The following SMAD4 variants were observed in gnomAD, a reference collection of about 807,000 sequenced individuals.
SMAD4 encodes SMAD family member 4, also known as MAD homolog 4.
SMAD4 carries 7 observed loss-of-function variants against 63.2 expected under a neutral mutation model. That is an observed-to-expected ratio of 0.11 (90% CI 0.06 to 0.21). The LOEUF (loss-of-function observed/expected upper bound fraction) is 0.21. Among genes scored for constraint, SMAD4 ranks in the 10% least tolerant of loss-of-function variants. The pLI is 1.00. For synonymous variants in SMAD4, 215 were observed against 235.4 expected, an observed-to-expected ratio of 0.91 and a Z score of 0.79; for missense variants, 312 against 693.8, an observed-to-expected ratio of 0.45 and a Z score of 6.18.
intron 1 of SMAD4, among the ~76,000 whole-genome samples, chr18:51,039,056 G>C (rs1403196861): frequency 6.6e-6 from 1 of 152,186 alleles, no homozygotes; most frequent in Non-Finnish European, 1.5e-5. Flanking sequence ...GCAGAGAGCT[G>C]AGAACATGCC....
rs990153326 is a variant in SMAD4 at position 51,083,986 on chromosome 18, C to G, written c.*5519C>G. The G allele has an allele frequency of 2.9e-4, 66 of 225,872 alleles. No homozygotes were observed. Among genetic ancestry groups the G allele is most frequent in the African/African-American group, 1.4e-3 (60 of 43,222 alleles). 14.0% of individuals were successfully genotyped at this position (225,872 alleles called of 1,614,324 possible). On this transcript the variant is annotated 3_prime_UTR_variant, in exon 12 of 12. Transcript: ENST00000342988. ...ACCACCTTAGGGGCTGCAATAAACA[C>G]TTAACGCGCGTGCGCACGCGCGCGC...
intron 1 of SMAD4, among the ~76,000 whole-genome samples, chr18:51,030,985 G>A (rs769006716): frequency 2.0e-5 from 3 of 152,180 alleles, no homozygotes; most frequent in Non-Finnish European, 4.4e-5. Context: ...TTGCCTTAGG[G>A]TCTAAGTGAA....
chr18:51,062,609 C>T (rs1461437826), intron 8 of SMAD4, among the ~76,000 whole-genome samples: 1 of 151,814 alleles, frequency 6.6e-6, no homozygotes, highest in Non-Finnish European at 1.5e-5. Flanking sequence ...AGCCATTCTC[C>T]TGCCTCAGCC....
Position 51,030,478 on chromosome 18 carries a change from G to A in SMAD4, c.-273G>A, listed in dbSNP as rs1909005536. ...GTCCGGCCCGCGCGGGCAGCGGCGC[G>A]GCGCTGAGGAGGGGCGGCCTGGCCG... On this transcript the variant is annotated 5_prime_UTR_variant, in exon 1 of 12. Transcript: ENST00000342988. 1 of 150,302 alleles carries A rather than the reference G, an allele frequency of 6.7e-6. No homozygotes were observed. Among genetic ancestry groups the A allele is most frequent in the Non-Finnish European group, 1.5e-5 (1 of 67,398 alleles). 9.3% of individuals were successfully genotyped at this position (150,302 alleles called of 1,614,324 possible). A position where few individuals can be genotyped will look rare whatever the true frequency, so the allele number is the denominator to read the frequency against.
At chr18:51,036,296 A>G (rs1474279035) in intron 1 of SMAD4, among the ~76,000 whole-genome samples, 1 of 152,196 alleles carries the variant, frequency 6.6e-6, no homozygotes, top group Non-Finnish European at 1.5e-5. Context: ...GGATGAATGT[A>G]TGCTACTCAG....
At chr18:51,074,659 A>G (rs1568210750) in intron 10 of SMAD4, among the ~76,000 whole-genome samples, 1 of 152,210 alleles carries the variant, frequency 6.6e-6, no homozygotes, top group Admixed American at 6.5e-5. Flanking sequence ...CTGCTCTAAA[A>G]AAGTAAAGTT....
chr18:51,046,805 A>G (rs2144399202), intron 1 of SMAD4, 115 bp from the exon 2 acceptor site: 1 of 433,588 alleles, frequency 2.3e-6, no homozygotes, highest in East Asian at 3.3e-5. Flanking sequence ...ATCAAATTTT[A>G]ATTATGTGCA....
rs12456284 is a variant in SMAD4 at position 51,083,598 on chromosome 18, A to G, written c.*5131A>G. The G allele has an allele frequency of 0.22, 50,907 of 227,582 alleles. 6,909 individuals are homozygous for G. Among genetic ancestry groups the G allele is most frequent in the East Asian group, 0.41 (6,508 of 15,902 alleles). 14.1% of individuals were successfully genotyped at this position (227,582 alleles called of 1,614,324 possible). A position where few individuals can be genotyped will look rare whatever the true frequency, so the allele number is the denominator to read the frequency against. On this transcript the variant is annotated 3_prime_UTR_variant, in exon 12 of 12. Coordinates refer to ENST00000342988, the MANE Select transcript of SMAD4 (RefSeq NM_005359.6). Reference sequence around the variant, plus strand: ...AGGTCCAGAGCCAGTGTTCTTGTTCAACCTGAAAGTAATGGCTCTGGGTTG... The same window carrying G: ...AGGTCCAGAGCCAGTGTTCTTGTTCGACCTGAAAGTAATGGCTCTGGGTTG...
intron 1 of SMAD4, among the ~76,000 whole-genome samples, chr18:51,040,588 T>C (rs1278684768): frequency 6.6e-6 from 1 of 152,182 alleles, no homozygotes; most frequent in Non-Finnish European, 1.5e-5. Flanking sequence ...CAACACTCCT[T>C]ACCTAAAATA....
intron 4 of SMAD4, among the ~76,000 whole-genome samples, chr18:51,051,900 G>A (rs542547367): frequency 3.9e-5 from 6 of 151,992 alleles, no homozygotes; most frequent in African/African-American, 1.4e-4. Flanking sequence ...TCCGCCTCCC[G>A]AGTTCAAGCG....
At chr18:51,046,316 C>G (rs189960053) in intron 1 of SMAD4, among the ~76,000 whole-genome samples, 5 of 152,234 alleles carry the variant, frequency 3.3e-5, no homozygotes, top group Admixed American at 2.6e-4. Context: ...GAAGTAGCAG[C>G]TCATTGTGGT....
At chr18:51,042,005 A>G (rs1909399407) in intron 1 of SMAD4, among the ~76,000 whole-genome samples, 1 of 152,122 alleles carries the variant, frequency 6.6e-6, no homozygotes, top group African/African-American at 2.4e-5. Context: ...TTATGTAATA[A>G]TATGTTTGGG....
chr18:51,076,736 C>A lies in SMAD4; in HGVS notation c.1407C>A (p.Ile469=), dbSNP rs2144474385. The A allele has an allele frequency of 1.2e-6, 2 of 1,613,358 alleles. No homozygotes were observed. The highest frequency in any genetic ancestry group is 1.7e-6 in the Non-Finnish European group (2 of 1,179,310). The part of the protein sequence containing the change: ...AAQAAAVAGN[I]PGPGSVGGIA... ...AGGCAGCAGCCGTGGCAGGAAACATCCCTGGCCCAGGATCAGTAGGTGGAA... is the reference window on the plus strand; with the variant it reads ...AGGCAGCAGCCGTGGCAGGAAACATACCTGGCCCAGGATCAGTAGGTGGAA... Residue 469 remains isoleucine, a synonymous_variant, in exon 11 of 12, where the codon ATC becomes ATA. Coordinates refer to ENST00000342988, the MANE Select transcript of SMAD4 (RefSeq NM_005359.6).
intron 1 of SMAD4, among the ~76,000 whole-genome samples, chr18:51,031,174 C>T (rs561710818): frequency 2.0e-5 from 3 of 152,264 alleles, no homozygotes; most frequent in Admixed American, 2.0e-4. Context: ...CCTAACTGAA[C>T]CCCTCCTTGC....
chr18:51,073,416 CACACACACACA>C, intron 10 of SMAD4, among the ~76,000 whole-genome samples: 2 of 143,390 alleles, frequency 1.4e-5, no homozygotes, highest in Admixed American at 1.4e-4. Flanking sequence ...CACACACACA[CACACACACACA>C]CACACACCAT....
At chr18:51,051,049 G>A (rs1006800558) in intron 4 of SMAD4, 2 of 158,386 alleles carry the variant, frequency 1.3e-5, no homozygotes, top group Non-Finnish European at 2.8e-5. Flanking sequence ...AAGTAAACAC[G>A]TTTCATATCT....
chr18:51,082,808 GTGC>G lies in SMAD4; in HGVS notation c.*4342_*4344del. On this transcript the variant is annotated 3_prime_UTR_variant, in exon 12 of 12. Transcript: ENST00000342988. ...TTACCATTCATATGTGAGTGTTAGT[GTGC>G]CTCCTTTTAGCATTTTCTTCTTCTC... is the stretch of plus-strand genomic sequence containing the variant. The G allele has an allele frequency of 4.4e-6, 1 of 228,492 alleles. No individual in the cohort carries two copies. Among genetic ancestry groups the G allele is most frequent in the East Asian group, 6.2e-5 (1 of 16,084 alleles). 14.2% of individuals were successfully genotyped at this position (228,492 alleles called of 1,614,324 possible).
chr18:51,069,682 T>C (rs1354343264), intron 10 of SMAD4, among the ~76,000 whole-genome samples: 1 of 152,214 alleles, frequency 6.6e-6, no homozygotes, highest in East Asian at 1.9e-4. Flanking sequence ...TGGGGCCTAA[T>C]TCCTGATTGC....
rs564408927 is a variant in SMAD4 at position 51,065,513 on chromosome 18, C to T, written c.1046C>T (p.Thr349Ile). The change falls in exon 9 of 12, where the codon ACT becomes ATT. Residue 349 changes from threonine to isoleucine, a missense_variant. Physicochemically the swap from Thr to Ile is moderately conservative, Grantham distance 89. Transcript: ENST00000342988. ...FKVPSSCPIV[T>I]VDGYVDPSGG... The stretch of plus-strand genomic sequence containing the variant: ...GTTCCTTCAAGCTGCCCTATTGTTA[C>T]TGTTGATGGATACGTGGACCCTTCT... The T allele has an allele frequency of 1.7e-5, 27 of 1,613,934 alleles. No homozygotes were observed. The highest frequency in any genetic ancestry group is 2.3e-5 in the Non-Finnish European group (27 of 1,179,918).
Sources: gnomAD v4.1 joint callset for allele counts (sites outside exome capture counted in the v4.1 genomes callset) on GRCh38, gnomAD v4.1.1 for gene constraint, MANE v1.5 for transcripts, NCBI Gene and HGNC (gene_info 2026-07-23, HGNC 2026-07-21) for gene names.